The following SH3PXD2A variants were observed in gnomAD, a reference collection of about 807,000 sequenced individuals.
SH3PXD2A encodes SH3 and PX domains 2A.
Under a neutral mutation model 115.2 loss-of-function variants are expected in SH3PXD2A, and 32 were observed. The observed-to-expected ratio is 0.28, with a 90% CI of 0.21 to 0.37. The LOEUF (loss-of-function observed/expected upper bound fraction) is 0.37, where lower values mean the gene tolerates loss of function less well. SH3PXD2A is among the 10% of genes least tolerant of loss of function. The pLI is 1.00. For missense variants in SH3PXD2A, 1,328 were observed against 1,498.7 expected (o/e 0.89, Z 1.88); for synonymous variants, 610 against 629.1 (o/e 0.97, Z 0.45).
chr10:103,808,693 TA>T (rs1362279450), intron 1 of SH3PXD2A, among the ~76,000 whole-genome samples: 1 of 152,180 alleles, frequency 6.6e-6, no homozygotes, highest in Non-Finnish European at 1.5e-5. Flanking sequence ...AGTCAATTAT[TA>T]TATCTGCCTT....
intron 8 of SH3PXD2A, among the ~76,000 whole-genome samples, chr10:103,650,152 A>G (rs1032813305): frequency 1.3e-5 from 2 of 152,122 alleles, no homozygotes; most frequent in Non-Finnish European, 2.9e-5. Context: ...GGAAGGGCCC[A>G]GGCCAGGTGA....
At chr10:103,815,443 C>T (rs2134282648) in intron 1 of SH3PXD2A, among the ~76,000 whole-genome samples, 1 of 147,966 alleles carries the variant, frequency 6.8e-6, no homozygotes, top group Admixed American at 6.8e-5. Flanking sequence ...CACACATATA[C>T]AGTGTATAAT....
intron 3 of SH3PXD2A, among the ~76,000 whole-genome samples, chr10:103,753,314 T>A: frequency 1.8e-5 from 1 of 56,498 alleles, no homozygotes; most frequent in Admixed American, 2.7e-4. Flanking sequence ...ACCCTGCCTC[T>A]ACCAAAAAAA....
intron 5 of SH3PXD2A, among the ~76,000 whole-genome samples, chr10:103,721,155 A>G (rs2038177363): frequency 6.6e-6 from 1 of 152,216 alleles, no homozygotes; most frequent in African/African-American, 2.4e-5. Flanking sequence ...CACACATTCC[A>G]TTCTGTTCCC....
intron 8 of SH3PXD2A, among the ~76,000 whole-genome samples, chr10:103,635,551 G>C (rs2036851549): frequency 6.6e-6 from 1 of 152,218 alleles, no homozygotes. Context: ...TCATTCCCTT[G>C]AATGGGAAAC....
intron 5 of SH3PXD2A, 87 bp downstream of exon 5, chr10:103,724,183 G>A (rs142514067): frequency 3.4e-6 from 2 of 595,070 alleles, no homozygotes; most frequent in Non-Finnish European, 5.5e-6. Context: ...TTCTGCTTGT[G>A]TTCCCACAGC....
At chr10:103,725,676 A>T (rs941340218) in intron 4 of SH3PXD2A, among the ~76,000 whole-genome samples, 3 of 151,858 alleles carry the variant, frequency 2.0e-5, no homozygotes, top group Non-Finnish European at 4.4e-5. Context: ...AAAATACAAA[A>T]ATTAGCCAGT....
At chr10:103,740,102 G>A (rs981078166) in intron 3 of SH3PXD2A, among the ~76,000 whole-genome samples, 14 of 152,190 alleles carry the variant, frequency 9.2e-5, no homozygotes, top group African/African-American at 3.4e-4. Context: ...GTAGCTAAGC[G>A]CTCAGCACAC....
At position 103,665,346 on chromosome 10, in the gene SH3PXD2A, A is replaced by C. The variant is rs1035122324; in HGVS notation, c.472+3262T>G. Among the ~76,000 whole-genome samples, 2 of 152,128 alleles carry C rather than the reference A, an allele frequency of 1.3e-5. No individual in the cohort carries two copies. The highest frequency in any genetic ancestry group is 3.8e-4 in the East Asian group (2 of 5,202). ...TGAGGCAGGGTTTCAAAGCAGAGTTAAATCCACACCCCCACACCCCTTCCC... is the reference window on the plus strand; with the variant it reads ...TGAGGCAGGGTTTCAAAGCAGAGTTCAATCCACACCCCCACACCCCTTCCC... On this transcript the variant is annotated intron_variant, in intron 7 of 14. Coordinates refer to ENST00000369774, the MANE Select transcript of SH3PXD2A (RefSeq NM_001394015.1). This position sits in a 1 kb window ranked among gnomAD's most constrained non-coding sequence, Gnocchi z 4.0.
intron 2 of SH3PXD2A, among the ~76,000 whole-genome samples, chr10:103,786,368 T>A (rs10748850): frequency 0.72 from 109,047 of 151,626 alleles, 40,041 homozygotes; most frequent in East Asian, 0.96. Context: ...CTCTTTTTTT[T>A]AAAAAAGGGG....
chr10:103,824,092 G>A (rs1340223544), intron 1 of SH3PXD2A, among the ~76,000 whole-genome samples: 4 of 152,166 alleles, frequency 2.6e-5, no homozygotes. Context: ...TGAGGAATGT[G>A]CCTGACCTGG....
chr10:103,635,576 G>C (rs1285393816), intron 8 of SH3PXD2A, among the ~76,000 whole-genome samples: 2 of 152,232 alleles, frequency 1.3e-5, no homozygotes, highest in Non-Finnish European at 2.9e-5. Context: ...GCCTGTTTTA[G>C]AGGAACCCTG....
intron 1 of SH3PXD2A, 107 bp downstream of exon 1, chr10:103,855,088 T>A (rs906881354): frequency 7.7e-6 from 5 of 650,938 alleles, no homozygotes; most frequent in Middle Eastern, 3.3e-4. Flanking sequence ...GGCTGCCCAG[T>A]GGGCGCTTAG....
intron 7 of SH3PXD2A, among the ~76,000 whole-genome samples, chr10:103,664,386 C>T (rs570148592): frequency 1.3e-3 from 201 of 152,336 alleles, no homozygotes; most frequent in African/African-American, 4.4e-3. Flanking sequence ...CGAGCTGCCT[C>T]GTCCAATCCT....
rs577769089 is a variant in SH3PXD2A, at chr10:103,832,670, G to A, written c.72+22525C>T. On this transcript the variant is annotated intron_variant, in intron 1 of 14. Transcript: ENST00000369774. ...TCGCAAGGACAAAAAACCAAACATCGCATGTTCTTACTCATAGGTGGGAAT... is the reference window on the plus strand; with the variant it reads ...TCGCAAGGACAAAAAACCAAACATCACATGTTCTTACTCATAGGTGGGAAT... Among the ~76,000 whole-genome samples, 5 of 152,182 alleles carry A rather than the reference G, an allele frequency of 3.3e-5. No homozygotes were observed. The East Asian group carries it at 5.8e-4, about 18-fold the overall frequency.
At chr10:103,697,626 C>T (rs1564866697) in intron 5 of SH3PXD2A, among the ~76,000 whole-genome samples, 2 of 152,198 alleles carry the variant, frequency 1.3e-5, no homozygotes, top group African/African-American at 2.4e-5. Context: ...ACACATTTAA[C>T]CTCCCAAGGA....
intron 1 of SH3PXD2A, among the ~76,000 whole-genome samples, chr10:103,820,329 C>A (rs1011698624): frequency 6.6e-6 from 1 of 152,238 alleles, no homozygotes; most frequent in South Asian, 2.1e-4. Context: ...AACTCCAGGA[C>A]GTCATTTGCT....
Position 103,603,004 on chromosome 10 carries a change from C to T in SH3PXD2A, c.2214G>A (p.Lys738=), listed in dbSNP as rs1414121381. Residue 738 remains lysine (K), a synonymous_variant, in exon 15 of 15, where the codon AAG becomes AAA. Coordinates refer to ENST00000369774, the MANE Select transcript of SH3PXD2A (RefSeq NM_001394015.1). The part of the protein sequence containing the change: ...IRGTPKVRAK[K]DADANAGLTS... ...TCAGCCCAGCGTTCGCATCAGCATCCTTCTTTGCCCTGACCTTGGGAGTGC... is the reference window on the plus strand; with the variant it reads ...TCAGCCCAGCGTTCGCATCAGCATCTTTCTTTGCCCTGACCTTGGGAGTGC... The T allele has an allele frequency of 6.2e-7, 1 of 1,614,208 alleles. No homozygotes were observed. The highest frequency in any genetic ancestry group is 8.5e-7 in the Non-Finnish European group (1 of 1,180,046).
rs2036761938 is a variant in SH3PXD2A, at chr10:103,630,455, TCTCTGGACA to T, written c.605-3262_605-3254del. Among the ~76,000 whole-genome samples, 3 of 152,220 alleles carry T rather than the reference TCTCTGGACA, an allele frequency of 2.0e-5. No individual in the cohort carries two copies. In the South Asian group the frequency reaches 6.2e-4, roughly 32 times the overall value. ...CTCATCTCCTGATTAGTCTGTCATC[TCTCTGGACA>T]CTGTTGATGGTTCCAAGCAAAGCCA... On this transcript the variant is annotated intron_variant, in intron 8 of 14. Coordinates refer to ENST00000369774, the MANE Select transcript of SH3PXD2A (RefSeq NM_001394015.1).
Sources: gnomAD v4.1 joint callset for allele counts (sites outside exome capture counted in the v4.1 genomes callset) on GRCh38, gnomAD v4.1.1 for gene constraint, Gnocchi (gnomAD v3.1) non-coding constraint, MANE v1.5 for transcripts, NCBI Gene and HGNC (gene_info 2026-07-23, HGNC 2026-07-21) for gene names.